KCNJ5: variants seen among roughly 807,000 people sequenced by gnomAD.
The protein encoded by KCNJ5 is G protein-activated inward rectifier potassium channel 4.
A neutral mutation model predicts 20.2 loss-of-function variants in KCNJ5; 12 were observed. The ratio of observed to expected loss-of-function variants is 0.59; its 90% CI spans 0.38 to 0.96. The LOEUF is 0.96. Ranked by LOEUF, KCNJ5 falls within the 40% of genes least tolerant of loss-of-function variation. The pLI, the probability that KCNJ5 is intolerant of heterozygous loss-of-function variation, is 0.00. For synonymous variants in KCNJ5, 210 were observed against 213.9 expected (o/e 0.98, Z 0.16); for missense variants, 449 against 557.6 (o/e 0.81, Z 1.96).
chr11:128,916,757 T>C lies in KCNJ5; in HGVS notation c.*26T>C. On this transcript the variant is annotated 3_prime_UTR_variant, in exon 3 of 3. Coordinates refer to ENST00000529694, the MANE Select transcript of KCNJ5 (RefSeq NM_000890.5). ...GGGGTGCAGCCTCCCTAAGACCTCC[T>C]GTCACTGGCTTCAGTGAACACAGAC... The C allele has an allele frequency of 2.6e-6, 4 of 1,529,436 alleles. No individual in the cohort carries two copies. The highest frequency in any genetic ancestry group is 3.6e-6 in the Non-Finnish European group (4 of 1,123,056). 94.7% of individuals were successfully genotyped at this position (1,529,436 alleles called of 1,614,324 possible). A position where few individuals can be genotyped will look rare whatever the true frequency, so the allele number is the denominator to read the frequency against.
Position 128,911,188 on chromosome 11 carries a change from T to G in KCNJ5, c.-10-76T>G. 8.5e-7 allele frequency: 1 copy of G among 1,179,184 alleles called. No individual in the cohort carries two copies. The highest frequency in any genetic ancestry group is 2.4e-5 in the East Asian group (1 of 40,946). 73.0% of individuals were successfully genotyped at this position (1,179,184 alleles called of 1,614,324 possible). A position where few individuals can be genotyped will look rare whatever the true frequency, so the allele number is the denominator to read the frequency against. On this transcript the variant is annotated intron_variant, in intron 1 of 2. Coordinates refer to ENST00000529694, the MANE Select transcript of KCNJ5 (RefSeq NM_000890.5). The surrounding 1 kb of genome is among the most constrained non-coding windows in gnomAD (Gnocchi z 6.3). Reference sequence around the variant, plus strand: ...AGAGAAGCCTGGGAGAGCCCCGGGGTGGGGGTGGCCTTCCATCTTGTGTTC... The same window carrying G: ...AGAGAAGCCTGGGAGAGCCCCGGGGGGGGGGTGGCCTTCCATCTTGTGTTC...
intron 1 of KCNJ5, among the ~76,000 whole-genome samples, chr11:128,898,265 T>C (rs1318908795): frequency 6.6e-6 from 1 of 152,254 alleles, no homozygotes; most frequent in Non-Finnish European, 1.5e-5. Flanking sequence ...TTTACTATAT[T>C]GAGTCTTCCA....
Position 128,897,389 on chromosome 11 carries a change from C to T in KCNJ5, c.-11+5668C>T, listed in dbSNP as rs776114013. Among the ~76,000 whole-genome samples, 6 of 152,250 alleles carry T rather than the reference C, an allele frequency of 3.9e-5. No individual in the cohort carries two copies. In the East Asian group the frequency reaches 5.8e-4, roughly 15 times the overall value. On this transcript the variant is annotated intron_variant, in intron 1 of 2. Transcript: ENST00000529694. ...CTGGGATTACAAGCATGAGCCACCA[C>T]GCCTGGCCTGTTGACCATCTTTTTA...
Position 128,912,102 on chromosome 11 carries a change from T to C in KCNJ5, c.829T>C (p.Ser277Pro), listed in dbSNP as rs1212416405. ...RLFLVSPLIISHEINQKSPFW... is the reference protein window; with the variant it reads ...RLFLVSPLIIPHEINQKSPFW... ...CTTCCTTGTGTCTCCTCTGATCATC[T>C]CCCATGAGATCAACCAGAAGAGCCC... The change falls in exon 2 of 3, where the codon TCC (serine) becomes CCC (proline). Residue 277 changes from serine to proline, a missense_variant. Physicochemically the swap from Ser to Pro is moderately conservative, Grantham distance 74. Transcript: ENST00000529694. The C allele has an allele frequency of 6.2e-7, 1 of 1,613,700 alleles. No individual in the cohort carries two copies. The highest frequency in any genetic ancestry group is 2.2e-5 in the East Asian group (1 of 44,866).
chr11:128,911,108 A>G lies in KCNJ5; in HGVS notation c.-10-156A>G, dbSNP rs1005109839. 5 of 665,190 alleles carry G rather than the reference A, an allele frequency of 7.5e-6. No homozygotes were observed. In the Admixed American group the frequency reaches 9.2e-5, roughly 12 times the overall value. The allele number at this position is 665,190 out of a possible 1,614,324, so 41.2% of individuals were successfully genotyped here. ...ACCAGGGATACAAAAGAACCCTATAAGAGAGTGAGGCCCCTGCCCTTGAGG... is the reference window on the plus strand; with the variant it reads ...ACCAGGGATACAAAAGAACCCTATAGGAGAGTGAGGCCCCTGCCCTTGAGG... On this transcript the variant is annotated intron_variant, in intron 1 of 2. Coordinates refer to ENST00000529694, the MANE Select transcript of KCNJ5 (RefSeq NM_000890.5). The surrounding 1 kb of genome is among the most constrained non-coding windows in gnomAD (Gnocchi z 6.3).
At chr11:128,905,205 G>T (rs1045105630) in intron 1 of KCNJ5, among the ~76,000 whole-genome samples, 1 of 152,050 alleles carries the variant, frequency 6.6e-6, no homozygotes, top group Non-Finnish European at 1.5e-5. Flanking sequence ...GCCTCCCCAC[G>T]CCCGTTCCCT....
intron 1 of KCNJ5, among the ~76,000 whole-genome samples, chr11:128,906,589 A>G (rs12362620): frequency 0.19 from 29,133 of 152,158 alleles, 3,602 homozygotes; most frequent in Non-Finnish European, 0.28. Context: ...TGAGGTCCTC[A>G]CTTTTTTGCT....
intron 1 of KCNJ5, among the ~76,000 whole-genome samples, chr11:128,892,320 G>A (rs1400882390): frequency 6.6e-6 from 1 of 152,190 alleles, no homozygotes; most frequent in African/African-American, 2.4e-5. Context: ...GAACAGAGAA[G>A]GCCGGCCTTG....
intron 1 of KCNJ5, among the ~76,000 whole-genome samples, chr11:128,892,818 G>A (rs528705304): frequency 1.1e-4 from 17 of 152,288 alleles, no homozygotes; most frequent in Admixed American, 1.1e-3. Flanking sequence ...CCAAGGTGCC[G>A]AGCTATATAC....
intron 1 of KCNJ5, among the ~76,000 whole-genome samples, chr11:128,892,527 C>G (rs939621112): frequency 6.6e-6 from 1 of 152,210 alleles, no homozygotes; most frequent in Non-Finnish European, 1.5e-5. Flanking sequence ...TTCCAGGAGC[C>G]TTTTCAAACA....
chr11:128,891,869 T>C (rs1210700913), intron 1 of KCNJ5, 148 bp downstream of exon 1: 1 of 152,322 alleles, frequency 6.6e-6, no homozygotes, highest in Non-Finnish European at 1.5e-5. Flanking sequence ...AGGAAAAGCT[T>C]AGGGCAGGTC....
chr11:128,910,753 A>T (rs942846602), intron 1 of KCNJ5, among the ~76,000 whole-genome samples: 3 of 152,222 alleles, frequency 2.0e-5, no homozygotes, highest in Non-Finnish European at 1.5e-5. Flanking sequence ...ACACAAACTT[A>T]TGCCCCTGTG....
rs1332641522 is a variant in KCNJ5 at position 128,903,285 on chromosome 11, G to T, written c.-10-7979G>T. 7 of 1,488,768 alleles carry T rather than the reference G, an allele frequency of 4.7e-6. No homozygotes were observed. The Admixed American group carries it at 1.4e-4, about 29-fold the overall frequency. 92.2% of individuals were successfully genotyped at this position (1,488,768 alleles called of 1,614,324 possible). A position where few individuals can be genotyped will look rare whatever the true frequency, so the allele number is the denominator to read the frequency against. On this transcript the variant is annotated intron_variant, in intron 1 of 2. Coordinates refer to ENST00000529694, the MANE Select transcript of KCNJ5 (RefSeq NM_000890.5). ...ACATCCCATTTAAATAAAAATAGGA[G>T]AAAGCCTACTAATTGCACGTGACCA... is the stretch of plus-strand genomic sequence containing the variant.
chr11:128,910,962 G>T (rs935241735), intron 1 of KCNJ5, among the ~76,000 whole-genome samples: 1 of 152,162 alleles, frequency 6.6e-6, no homozygotes, highest in Non-Finnish European at 1.5e-5. Flanking sequence ...TTTTTAAATT[G>T]CTCCCAGGTT....
intron 1 of KCNJ5, chr11:128,903,390 G>C: frequency 6.2e-7 from 1 of 1,614,198 alleles, no homozygotes; most frequent in East Asian, 2.2e-5. Flanking sequence ...AGCCGTGGGT[G>C]TAGACGGCAG....
chr11:128,892,940 G>A (rs567168769), intron 1 of KCNJ5, among the ~76,000 whole-genome samples: 1 of 152,314 alleles, frequency 6.6e-6, no homozygotes, highest in South Asian at 2.1e-4. Context: ...CAGCAGCACT[G>A]CTATCTCCAA....
rs935091529 is a variant in KCNJ5 at position 128,917,368 on chromosome 11, C to G, written c.*637C>G. On this transcript the variant is annotated 3_prime_UTR_variant, in exon 3 of 3. Transcript: ENST00000529694. Reference sequence around the variant, plus strand: ...GCTGTGTTCTGTGTGTCCAGTGTAGCCTATTGGAGAATCGGTCTCATTAGA... The same window carrying G: ...GCTGTGTTCTGTGTGTCCAGTGTAGGCTATTGGAGAATCGGTCTCATTAGA... 4 of 152,772 alleles carry G rather than the reference C, an allele frequency of 2.6e-5. 1 individual carries two copies. The highest frequency in any genetic ancestry group is 1.3e-4 in the Admixed American group (2 of 15,290). The allele number at this position is 152,772 out of a possible 1,614,324, so 9.5% of individuals were successfully genotyped here.
Position 128,911,558 on chromosome 11 carries a change from G to C in KCNJ5, c.285G>C (p.Met95Ile). Residue 95 changes from methionine (M) to isoleucine (I), a missense_variant, in exon 2 of 3, where the codon ATG (methionine) becomes ATC (isoleucine). By Grantham distance (10) the Met-to-Ile change is conservative. Coordinates refer to ENST00000529694, the MANE Select transcript of KCNJ5 (RefSeq NM_000890.5). This position sits in a 1 kb window ranked among gnomAD's most constrained non-coding sequence, Gnocchi z 6.3. ...KWRFNLLVFT[M>I]VYTVTWLFFG... ...GCTTCAACTTGCTCGTCTTCACCATGGTTTACACTGTCACCTGGCTGTTCT... is the reference window on the plus strand; with the variant it reads ...GCTTCAACTTGCTCGTCTTCACCATCGTTTACACTGTCACCTGGCTGTTCT... 6.2e-7 allele frequency: 1 copy of C among 1,614,228 alleles called. No individual in the cohort carries two copies. The highest frequency in any genetic ancestry group is 2.2e-5 in the East Asian group (1 of 44,880).
chr11:128,905,416 C>T (rs1944388089), intron 1 of KCNJ5: 1 of 152,376 alleles, frequency 6.6e-6, no homozygotes, highest in Non-Finnish European at 1.5e-5. Flanking sequence ...GTGTCACCCT[C>T]CGAGGCCACG....
Sources: gnomAD v4.1 joint callset for allele counts (sites outside exome capture counted in the v4.1 genomes callset) on GRCh38, gnomAD v4.1.1 for gene constraint, Gnocchi (gnomAD v3.1) non-coding constraint, MANE v1.5 for transcripts, NCBI Gene and HGNC (gene_info 2026-07-23, HGNC 2026-07-21) for gene names.